Variants in PDIA3 observed in about 807,000 individuals in gnomAD.
PDIA3 encodes protein disulfide-isomerase A3.
In PDIA3, 16 loss-of-function variants were observed where a neutral mutation model predicts 56.9. That is an observed-to-expected ratio of 0.28 (90% confidence interval 0.19 to 0.43). PDIA3 has a LOEUF of 0.43. Ranked by LOEUF, PDIA3 falls within the 20% of genes least tolerant of loss-of-function variation. The pLI, the probability that PDIA3 is intolerant of heterozygous loss-of-function variation, is 1.00. For missense variants in PDIA3, 485 were observed against 621.3 expected, an observed-to-expected ratio of 0.78 and a Z score of 2.33; for synonymous variants, 192 against 216.5, an observed-to-expected ratio of 0.89 and a Z score of 0.99.
intron 4 of PDIA3, among the ~76,000 whole-genome samples, chr15:43,762,827 G>T (rs1484814059): frequency 6.6e-6 from 1 of 152,120 alleles, no homozygotes; most frequent in South Asian, 2.1e-4. Flanking sequence ...TCAATTATGG[G>T]AAAGTAAAAT....
At chr15:43,756,799 T>C in intron 3 of PDIA3, 33 bp downstream of exon 3, 1 of 1,118,738 alleles carries the variant, frequency 8.9e-7, no homozygotes, top group Non-Finnish European at 1.4e-6. Context: ...TGGAAACTGA[T>C]GTTAAGTACC....
chr15:43,753,020 C>A, intron 1 of PDIA3: 1 of 376,792 alleles, frequency 2.7e-6, no homozygotes. Context: ...ATCAGGCCTG[C>A]CATCTAAAAG....
intron 1 of PDIA3, among the ~76,000 whole-genome samples, chr15:43,749,019 C>T (rs1651548337): frequency 6.6e-6 from 1 of 152,078 alleles, no homozygotes; most frequent in Admixed American, 6.6e-5. Flanking sequence ...GATCTGCCCA[C>T]CTTGGCCTCC....
chr15:43,770,429 T>G (rs2086874145), intron 11 of PDIA3, 94 bp from the exon 12 acceptor site: 1 of 1,361,692 alleles, frequency 7.3e-7, no homozygotes, highest in South Asian at 1.2e-5. Flanking sequence ...TCATATTCAG[T>G]TGAAGGCAGA....
rs779962844 is a variant in PDIA3 at position 43,770,577 on chromosome 15, T to C, written c.1401T>C (p.Tyr467=). 3.1e-6 allele frequency: 5 copies of C among 1,602,124 alleles called. No homozygotes were observed. Among genetic ancestry groups the C allele is most frequent in the Admixed American group, 3.3e-5 (2 of 60,014 alleles). The part of the protein sequence containing the change: ...PANKKLNPKK[Y]EGGRELSDFI... ...ACAAGAAGCTAAATCCAAAGAAATA[T>C]GAAGTAAGTGAATTGTCCCATATCC... The change falls in exon 12 of 13, where the codon TAT becomes TAC. Residue 467 remains tyrosine (Y), a synonymous_variant. Transcript: ENST00000300289.
At chr15:43,753,984 A>C (rs915702569) in intron 2 of PDIA3, 82 bp downstream of exon 2, 2 of 903,404 alleles carry the variant, frequency 2.2e-6, no homozygotes, top group Non-Finnish European at 3.7e-6. Context: ...TACATGGAAA[A>C]AAATAACAGT....
chr15:43,756,131 C>T (rs960354446), intron 2 of PDIA3, among the ~76,000 whole-genome samples: 1 of 152,088 alleles, frequency 6.6e-6, no homozygotes, highest in African/African-American at 2.4e-5. Flanking sequence ...TGATAGGTCT[C>T]ACTAGATCGG....
At chr15:43,765,675 A>T (rs2086843515) in intron 6 of PDIA3, 109 bp downstream of exon 6, 1 of 873,036 alleles carries the variant, frequency 1.1e-6, no homozygotes, top group Non-Finnish European at 1.9e-6. Flanking sequence ...ATTTGGGGGG[A>T]TTGTAATAGT....
intron 1 of PDIA3, among the ~76,000 whole-genome samples, chr15:43,749,557 G>C (rs1401748327): frequency 1.3e-5 from 2 of 152,144 alleles, no homozygotes; most frequent in East Asian, 3.9e-4. Context: ...AGTTTGGGAG[G>C]CCAAGGCAGG....
intron 9 of PDIA3, among the ~76,000 whole-genome samples, chr15:43,769,154 C>G (rs1030176680): frequency 6.6e-6 from 1 of 152,078 alleles, no homozygotes; most frequent in South Asian, 2.1e-4. Context: ...CCCCTAAGAA[C>G]AGTGTGTTGC....
intron 1 of PDIA3, among the ~76,000 whole-genome samples, chr15:43,748,569 C>T (rs960465796): frequency 1.3e-5 from 2 of 152,138 alleles, no homozygotes; most frequent in Admixed American, 6.5e-5. Context: ...CTACATATCC[C>T]ATCAGGCACT....
chr15:43,761,737 G>T (rs2086817768), intron 4 of PDIA3, among the ~76,000 whole-genome samples: 1 of 151,940 alleles, frequency 6.6e-6, no homozygotes, highest in Admixed American at 6.6e-5. Flanking sequence ...AATGTGGGGG[G>T]CAATTGGTGT....
rs1451453889 is a variant in PDIA3, at chr15:43,767,008, T to C, written c.1028+98T>C. On this transcript the variant is annotated intron_variant, in intron 8 of 12. Transcript: ENST00000300289. ...GAACAATAACCCTGGAATGTGAAGA[T>C]AGGTCTTTTAATCAAGACCTATGAC... 4.5e-6 allele frequency: 5 copies of C among 1,102,394 alleles called. No individual in the cohort carries two copies. In the East Asian group the frequency reaches 9.5e-5, roughly 21 times the overall value. The allele number at this position is 1,102,394 out of a possible 1,614,324, so 68.3% of individuals were successfully genotyped here.
At chr15:43,765,112 C>T (rs2086839623) in intron 5 of PDIA3, among the ~76,000 whole-genome samples, 1 of 152,096 alleles carries the variant, frequency 6.6e-6, no homozygotes, top group South Asian at 2.1e-4. Flanking sequence ...CATGGGAGCT[C>T]CACCAGTAAT....
chr15:43,768,428 C>G lies in PDIA3; in HGVS notation c.1029-61C>G. ...ACATAGTAACTATTCAAAGAAATTG[C>G]TGTAATTTTCTCAGCGGTGGGAATA... On this transcript the variant is annotated intron_variant, in intron 8 of 12. Transcript: ENST00000300289. 2.4e-6 allele frequency: 3 copies of G among 1,232,558 alleles called. No individual in the cohort carries two copies. In the East Asian group the frequency reaches 7.0e-5, roughly 29 times the overall value. The allele number at this position is 1,232,558 out of a possible 1,614,324, so 76.4% of individuals were successfully genotyped here.
At chr15:43,758,657 C>CA (rs34576866) in intron 3 of PDIA3, among the ~76,000 whole-genome samples, 121,688 of 137,464 alleles carry the variant, frequency 0.89, 55,045 homozygotes, top group Non-Finnish European at 0.98. Context: ...GACTCCGTCT[C>CA]AAAAAAAAAA....
In PDIA3 at chr15:43,771,608, TC is replaced by T; in HGVS notation, c.*391del. Reference sequence around the variant, plus strand: ...ACACTATCACTGTTCAATAGAGCTTTCTTCAGTGATGGAAATGCTCTGTAAT... The same window carrying T: ...ACACTATCACTGTTCAATAGAGCTTTTTCAGTGATGGAAATGCTCTGTAAT... On this transcript the variant is annotated 3_prime_UTR_variant, in exon 13 of 13. Transcript: ENST00000300289. The T allele has an allele frequency of 9.3e-5, 39 of 419,566 alleles. No homozygotes were observed. In the South Asian group the frequency reaches 1.1e-3, roughly 11 times the overall value. 26.0% of individuals were successfully genotyped at this position (419,566 alleles called of 1,614,324 possible). A position where few individuals can be genotyped will look rare whatever the true frequency, so the allele number is the denominator to read the frequency against.
intron 1 of PDIA3, among the ~76,000 whole-genome samples, chr15:43,752,125 A>C (rs1232076191): frequency 6.6e-6 from 1 of 152,164 alleles, no homozygotes; most frequent in Non-Finnish European, 1.5e-5. Context: ...ACGTGCACGC[A>C]CATTTATTAT....
chr15:43,763,146 A>C lies in PDIA3; in HGVS notation c.542A>C (p.Asn181Thr). 1 of 1,614,184 alleles carries C rather than the reference A, an allele frequency of 6.2e-7. No homozygotes were observed. The highest frequency in any genetic ancestry group is 8.5e-7 in the Non-Finnish European group (1 of 1,179,992). Reference protein sequence around the residue: ...FLKAASNLRDNYRFAHTNVES... With the variant: ...FLKAASNLRDTYRFAHTNVES... The stretch of plus-strand genomic sequence containing the variant: ...AAAGCAGCCAGCAACTTGAGGGATA[A>C]CTACCGATTTGCACATACGAATGTT... The change falls in exon 5 of 13, where the codon AAC (asparagine) becomes ACC (threonine). Residue 181 changes from asparagine (N) to threonine (T), a missense_variant. Coordinates refer to ENST00000300289, the MANE Select transcript of PDIA3 (RefSeq NM_005313.5).
Sources: gnomAD v4.1 joint callset for allele counts (sites outside exome capture counted in the v4.1 genomes callset) on GRCh38, gnomAD v4.1.1 for gene constraint, MANE v1.5 for transcripts, NCBI Gene and HGNC (gene_info 2026-07-23, HGNC 2026-07-21) for gene names.